Variants in OPHN1 observed in about 807,000 individuals in gnomAD.
The protein encoded by OPHN1 is oligophrenin-1.
Under a neutral mutation model 60.7 loss-of-function variants are expected in OPHN1, and 11 were observed. The observed-to-expected ratio is 0.18, with a 90% confidence interval of 0.11 to 0.30. OPHN1 has a LOEUF of 0.30. OPHN1 is among the 10% of genes least tolerant of loss of function. The probability of loss-of-function intolerance (pLI) is 1.00; values close to 1 mark genes in which losing one functional copy is unlikely to be tolerated. For missense variants in OPHN1, 449 were observed against 611.0 expected, an observed-to-expected ratio of 0.73 and a Z score of 2.80; for synonymous variants, 226 against 222.6, an observed-to-expected ratio of 1.02 and a Z score of -0.14.
chrX:68,048,373 T>A, intron 24 of OPHN1, 43 bp downstream of exon 24: 1 of 1,134,975 alleles, frequency 8.8e-7, no homozygotes, highest in Non-Finnish European at 1.2e-6. Context: ...AATGAAGGCT[T>A]ATGTGGAACA....
chrX:68,238,399 T>G (rs1343452238), intron 5 of OPHN1, among the ~76,000 whole-genome samples: 2 of 109,702 alleles, frequency 1.8e-5, no homozygotes, highest in Non-Finnish European at 3.8e-5. Flanking sequence ...AAAATCTCCC[T>G]TCTTTTGTCT....
At chrX:68,416,818 G>A (rs1360023714) in intron 2 of OPHN1, among the ~76,000 whole-genome samples, 2 of 112,231 alleles carry the variant, frequency 1.8e-5, no homozygotes, top group Non-Finnish European at 3.8e-5. Flanking sequence ...AATTAATGTT[G>A]CACAGCCTGT....
chrX:68,106,972 C>T (rs1158848860), intron 18 of OPHN1, among the ~76,000 whole-genome samples: 1 of 111,784 alleles, frequency 8.9e-6, no homozygotes, highest in African/African-American at 3.3e-5. Flanking sequence ...ACTGTCTATA[C>T]CTAGACTCAA....
intron 2 of OPHN1, among the ~76,000 whole-genome samples, chrX:68,428,892 G>C (rs764645500): frequency 8.0e-5 from 9 of 112,204 alleles, no homozygotes; most frequent in Non-Finnish European, 1.3e-4. Context: ...CAATTATGAA[G>C]AGATCACATT....
At position 68,095,704 on chromosome X, in the gene OPHN1, C is replaced by G. The variant is rs191897522; in HGVS notation, c.1686+1166G>C. On this transcript the variant is annotated intron_variant, in intron 19 of 24. Coordinates refer to ENST00000355520, the MANE Select transcript of OPHN1 (RefSeq NM_002547.3). ...CCCATCCTTGGTGACTTCCAGTCACCAAGTCCTGCTGCTTTTGCCTCCCTG... is the reference window on the plus strand; with the variant it reads ...CCCATCCTTGGTGACTTCCAGTCACGAAGTCCTGCTGCTTTTGCCTCCCTG... Among the ~76,000 whole-genome samples, 251 of 111,338 alleles carry G rather than the reference C, an allele frequency of 2.3e-3. 1 individual carries two copies. The highest frequency in any genetic ancestry group is 7.8e-3 in the African/African-American group (239 of 30,622).
At chrX:68,321,076 A>C (rs1368914171) in intron 2 of OPHN1, among the ~76,000 whole-genome samples, 1 of 111,033 alleles carries the variant, frequency 9.0e-6, no homozygotes, top group Non-Finnish European at 1.9e-5. Context: ...TGGAAGCTTC[A>C]TTGTGTAGCC....
intron 5 of OPHN1, among the ~76,000 whole-genome samples, chrX:68,239,001 A>T (rs1449220324): frequency 9.0e-6 from 1 of 111,664 alleles, no homozygotes; most frequent in East Asian, 2.8e-4. Flanking sequence ...CGGAAAAATC[A>T]GATCATACAT....
At chrX:68,341,814 G>A (rs2040195602) in intron 2 of OPHN1, among the ~76,000 whole-genome samples, 1 of 110,438 alleles carries the variant, frequency 9.1e-6, no homozygotes, top group African/African-American at 3.3e-5. Flanking sequence ...TCCAGCCTGA[G>A]TGACACGGCC....
chrX:68,217,964 G>A (rs1217020593), intron 6 of OPHN1, among the ~76,000 whole-genome samples: 2 of 102,602 alleles, frequency 1.9e-5, no homozygotes, highest in African/African-American at 6.7e-5. Flanking sequence ...GAAGGCTTCA[G>A]ATGATCAAAT....
At chrX:68,235,540 T>G (rs1182211073) in intron 5 of OPHN1, among the ~76,000 whole-genome samples, 3 of 110,702 alleles carry the variant, frequency 2.7e-5, no homozygotes, top group African/African-American at 9.9e-5. Context: ...CTGTGACATA[T>G]AAGAAATGTG....
intron 2 of OPHN1, among the ~76,000 whole-genome samples, chrX:68,425,572 T>G (rs762682700): frequency 4.5e-5 from 5 of 111,380 alleles, no homozygotes; most frequent in African/African-American, 1.6e-4. Flanking sequence ...GTGCTCCGGT[T>G]GCCAAAGTGA....
intron 4 of OPHN1, among the ~76,000 whole-genome samples, chrX:68,279,101 CTTTTTTTTTTTTTT>C (rs984725368): frequency 1.2e-3 from 27 of 21,797 alleles, no homozygotes; most frequent in Non-Finnish European, 1.8e-3. Flanking sequence ...CTCCCCCGCT[CTTTTTTTTTTTTTT>C]TTTTTTTTTT....
chrX:68,207,759 A>G (rs913049956), intron 9 of OPHN1, among the ~76,000 whole-genome samples: 1 of 111,436 alleles, frequency 9.0e-6, no homozygotes, highest in Admixed American at 9.6e-5. Flanking sequence ...TCCTGTCTCA[A>G]TGAATTACTT....
intron 2 of OPHN1, among the ~76,000 whole-genome samples, chrX:68,322,548 G>C (rs764018240): frequency 2.7e-5 from 3 of 111,350 alleles, no homozygotes; most frequent in African/African-American, 9.8e-5. Context: ...GCATTTTGGG[G>C]GGTTGAGGCA....
At chrX:68,203,179 C>T (rs1046866512) in intron 10 of OPHN1, among the ~76,000 whole-genome samples, 5 of 111,544 alleles carry the variant, frequency 4.5e-5, no homozygotes, top group South Asian at 7.6e-4. Flanking sequence ...CGCTTGAAAC[C>T]GGGAGGCAGA....
intron 15 of OPHN1, among the ~76,000 whole-genome samples, chrX:68,144,670 G>A (rs1478755543): frequency 1.8e-5 from 2 of 111,971 alleles, no homozygotes; most frequent in Non-Finnish European, 3.8e-5. Flanking sequence ...CCACTGCAAT[G>A]TCTAAAGCTG....
At chrX:68,153,210 CAAAAAAAA>C (rs11292214) in intron 15 of OPHN1, among the ~76,000 whole-genome samples, 24 of 55,430 alleles carry the variant, frequency 4.3e-4, no homozygotes, top group East Asian at 2.1e-3. Context: ...GACTCCATGT[CAAAAAAAA>C]AAAAAAAAGA....
intron 5 of OPHN1, among the ~76,000 whole-genome samples, chrX:68,245,161 A>G (rs1377957420): frequency 9.0e-6 from 1 of 111,364 alleles, no homozygotes; most frequent in Non-Finnish European, 1.9e-5. Flanking sequence ...AGGACACAGC[A>G]CACCCCTAAA....
chrX:68,286,699 C>G (rs2039458382), intron 3 of OPHN1, among the ~76,000 whole-genome samples: 1 of 111,682 alleles, frequency 9.0e-6, no homozygotes, highest in African/African-American at 3.3e-5. Context: ...TAGTACTAAA[C>G]AACTGCCACT....
Sources: allele counts gnomAD v4.1 joint callset (sites outside exome capture counted in the v4.1 genomes callset), GRCh38; gene constraint gnomAD v4.1.1; transcripts MANE v1.5; gene names NCBI Gene and HGNC (gene_info 2026-07-23, HGNC 2026-07-21).